ZYG11A: variants seen among roughly 807,000 people sequenced by gnomAD.
ZYG11A encodes the protein protein zyg-11 homolog A.
A neutral mutation model predicts 77.2 loss-of-function variants in ZYG11A; 62 were observed. That is an observed-to-expected ratio of 0.80 (90% CI 0.65 to 0.99). The LOEUF is 0.99. ZYG11A is among the 50% of genes least tolerant of loss of function. The pLI is 0.00. For synonymous variants in ZYG11A, 315 were observed against 324.6 expected, an observed-to-expected ratio of 0.97 and a Z score of 0.32; for missense variants, 828 against 896.8, an observed-to-expected ratio of 0.92 and a Z score of 0.98.
intron 8 of ZYG11A, among the ~76,000 whole-genome samples, chr1:52,869,871 A>C (rs1261771267): frequency 1.8e-4 from 24 of 133,270 alleles, no homozygotes; most frequent in African/African-American, 5.9e-4. Context: ...ACCCCCCCAC[A>C]CCTCCCTCCC....
In ZYG11A at chr1:52,857,176, A is replaced by G. The variant is rs1645828264; in HGVS notation, c.435A>G (p.Ile145Met). The stretch of plus-strand genomic sequence containing the variant: ...CTGACCTCCCAGTTCCAGACATCAT[A>G]AGTGGACTCTGCAGCAATAGGTGGA... The part of the protein sequence containing the change: ...VHADLPVPDI[I>M]SGLCSNRWIQ... The change falls in exon 3 of 14, where the codon ATA becomes ATG. Residue 145 changes from isoleucine to methionine, a missense_variant. By Grantham distance (10) the Ile-to-Met change is conservative. Transcript: ENST00000371528. The G allele has an allele frequency of 6.4e-7, 1 of 1,551,978 alleles. No individual in the cohort carries two copies. The highest frequency in any genetic ancestry group is 1.2e-5 in the South Asian group (1 of 84,062).
chr1:52,858,073 C>A (rs1645851742), intron 3 of ZYG11A, among the ~76,000 whole-genome samples: 1 of 151,314 alleles, frequency 6.6e-6, no homozygotes, highest in Non-Finnish European at 1.5e-5. Flanking sequence ...AGGCATGAGC[C>A]ACTGTGCCTG....
At chr1:52,870,387 A>T (rs1433478393) in intron 8 of ZYG11A, among the ~76,000 whole-genome samples, 1 of 146,876 alleles carries the variant, frequency 6.8e-6, no homozygotes, top group Admixed American at 6.8e-5. Flanking sequence ...CTGGGCAGCC[A>T]GGCAGAGGGG....
intron 11 of ZYG11A, among the ~76,000 whole-genome samples, chr1:52,884,566 A>ATTG (rs1356614660): frequency 6.6e-6 from 1 of 151,936 alleles, no homozygotes; most frequent in Non-Finnish European, 1.5e-5. Flanking sequence ...AGACAGGAGA[A>ATTG]TTGCTTGAAC....
intron 8 of ZYG11A, among the ~76,000 whole-genome samples, chr1:52,870,753 C>G (rs961243973): frequency 6.6e-6 from 1 of 152,040 alleles, no homozygotes; most frequent in South Asian, 2.1e-4. Flanking sequence ...CGCAGGCACT[C>G]GGCAGGCTGA....
rs1320327548 is a variant in ZYG11A at position 52,854,590 on chromosome 1, G to T, written c.216G>T (p.Gln72His). ...LCLPEHWSFP[Q>H]EVAERFLRVM... is the part of the protein sequence containing the mutation. The stretch of plus-strand genomic sequence containing the variant: ...TTCCGGAGCATTGGAGTTTCCCTCA[G>T]GAAGTAGCCGAGCGATTTCTCAGGG... The change falls in exon 2 of 14, where the codon CAG becomes CAT. Residue 72 changes from glutamine (Q) to histidine (H), a missense_variant. Gln to His is a conservative substitution (Grantham distance 24). Coordinates refer to ENST00000371528, the MANE Select transcript of ZYG11A (RefSeq NM_001004339.3). 1 of 1,547,800 alleles carries T rather than the reference G, an allele frequency of 6.5e-7. No individual in the cohort carries two copies. Among genetic ancestry groups the T allele is most frequent in the East Asian group, 2.5e-5 (1 of 40,812 alleles).
Position 52,842,906 on chromosome 1 carries a change from G to A in ZYG11A, c.23G>A (p.Gly8Asp). The A allele has an allele frequency of 2.0e-6, 3 of 1,531,056 alleles. No individual in the cohort carries two copies. The highest frequency in any genetic ancestry group is 2.6e-6 in the Non-Finnish European group (3 of 1,138,430). 94.8% of individuals were successfully genotyped at this position (1,531,056 alleles called of 1,614,324 possible). ...GCCATGGTTCATTTCTTGCACCCGG[G>A]CCACACGCCCCGGAACATCGTCCCT... MVHFLHP[G>D]HTPRNIVPPD... Residue 8 changes from glycine (G) to aspartate (D), a missense_variant, in exon 1 of 14, where the codon GGC (glycine) becomes GAC (aspartate). By Grantham distance (94) the Gly-to-Asp change is moderately conservative (BLOSUM62 -1). Transcript: ENST00000371528.
At chr1:52,847,112 G>A (rs1286844742) in intron 1 of ZYG11A, among the ~76,000 whole-genome samples, 1 of 152,050 alleles carries the variant, frequency 6.6e-6, no homozygotes, top group African/African-American at 2.4e-5. Context: ...CCAGGCTGGA[G>A]TGCGGTGGCG....
intron 11 of ZYG11A, 192 bp downstream of exon 11, chr1:52,881,857 TTCTC>T: frequency 2.1e-6 from 1 of 478,338 alleles, no homozygotes; most frequent in African/African-American, 2.0e-5. Context: ...TCGGTCCTCT[TTCTC>T]ATCAGCTTTT....
chr1:52,865,057 C>T (rs958509961), intron 5 of ZYG11A, among the ~76,000 whole-genome samples: 13 of 152,012 alleles, frequency 8.6e-5, no homozygotes, highest in African/African-American at 3.1e-4. Flanking sequence ...TGCCTCCTGC[C>T]TCAGCCTCCT....
At chr1:52,887,186 G>A (rs1274797214) in intron 13 of ZYG11A, 133 bp downstream of exon 13, 1 of 398,182 alleles carries the variant, frequency 2.5e-6, no homozygotes, top group Non-Finnish European at 4.5e-6. Flanking sequence ...AAAAGAAACT[G>A]AAAAAAGATA....
intron 8 of ZYG11A, among the ~76,000 whole-genome samples, chr1:52,869,974 ACCCCCCT>A (rs1392926661): frequency 8.4e-6 from 1 of 119,440 alleles, no homozygotes; most frequent in Non-Finnish European, 1.7e-5. Flanking sequence ...ACCCCCCCCC[ACCCCCCT>A]CCCGGGCGGG....
chr1:52,883,541 C>T (rs1164582514), intron 11 of ZYG11A, among the ~76,000 whole-genome samples: 2 of 151,806 alleles, frequency 1.3e-5, no homozygotes. Flanking sequence ...GATCCTCCCA[C>T]CTCAGCCTCC....
At chr1:52,863,534 A>T (rs528023188) in intron 4 of ZYG11A, among the ~76,000 whole-genome samples, 22 of 152,268 alleles carry the variant, frequency 1.4e-4, no homozygotes, top group African/African-American at 5.3e-4. Context: ...TCTTTCCATA[A>T]CTACCTCAGA....
In ZYG11A at chr1:52,854,501, C is replaced by G. The variant is rs1645770818; in HGVS notation, c.127C>G (p.Leu43Val). ...ASPYTLVNIC[L>V]NVLIANLEKL... ...TCCCTACACTTTGGTCAACATCTGC[C>G]TGAATGTCCTGATTGCTAACCTGGA... The change falls in exon 2 of 14, where the codon CTG becomes GTG. Residue 43 changes from leucine to valine, a missense_variant. Physicochemically the swap from Leu to Val is conservative, Grantham distance 32. Coordinates refer to ENST00000371528, the MANE Select transcript of ZYG11A (RefSeq NM_001004339.3). The G allele has an allele frequency of 6.4e-7, 1 of 1,550,560 alleles. No homozygotes were observed. The highest frequency in any genetic ancestry group is 8.7e-7 in the Non-Finnish European group (1 of 1,146,084).
At chr1:52,868,906 G>A (rs2150006852) in intron 8 of ZYG11A, among the ~76,000 whole-genome samples, 1 of 151,940 alleles carries the variant, frequency 6.6e-6, no homozygotes, top group South Asian at 2.1e-4. Flanking sequence ...TGCAATCTCG[G>A]CTCACTGTAA....
chr1:52,854,942 A>C (rs1432589549), intron 2 of ZYG11A, among the ~76,000 whole-genome samples: 4 of 151,106 alleles, frequency 2.6e-5, no homozygotes, highest in African/African-American at 9.7e-5. Context: ...ATCTTTGCTC[A>C]CTGCAGCCTC....
At chr1:52,843,541 T>G (rs940279089) in intron 1 of ZYG11A, among the ~76,000 whole-genome samples, 2 of 152,118 alleles carry the variant, frequency 1.3e-5, no homozygotes, top group African/African-American at 4.8e-5. Flanking sequence ...TGAGATTCTT[T>G]CAGTTCCGCG....
At chr1:52,875,816 G>C (rs1646251783) in intron 8 of ZYG11A, among the ~76,000 whole-genome samples, 1 of 148,932 alleles carries the variant, frequency 6.7e-6, no homozygotes, top group African/African-American at 2.5e-5. Flanking sequence ...CAAGTAGGTT[G>C]GTAGCTTTTG....
Sources: allele counts gnomAD v4.1 joint callset (sites outside exome capture counted in the v4.1 genomes callset), GRCh38; gene constraint gnomAD v4.1.1; transcripts MANE v1.5; gene names NCBI Gene and HGNC (gene_info 2026-07-23, HGNC 2026-07-21).